Variants in ADGRG1 observed in about 807,000 individuals in gnomAD.
The protein encoded by ADGRG1 is adhesion G protein-coupled receptor G1.
ADGRG1 carries 53 observed loss-of-function variants against 73.5 expected under a neutral mutation model. The ratio of observed to expected loss-of-function variants is 0.72; its 90% CI spans 0.58 to 0.91. The LOEUF (loss-of-function observed/expected upper bound fraction) is 0.91. Among genes scored for constraint, ADGRG1 ranks in the 40% least tolerant of loss-of-function variants. The probability of loss-of-function intolerance (pLI) is 0.00; values close to 1 mark genes in which losing one functional copy is unlikely to be tolerated. For synonymous variants in ADGRG1, 394 were observed against 374.4 expected (o/e 1.05, Z -0.60); for missense variants, 795 against 871.8 (o/e 0.91, Z 1.11).
intron 1 of ADGRG1, chr16:57,632,064 G>C (rs762427647): frequency 1.0e-6 from 1 of 985,488 alleles, no homozygotes; most frequent in Non-Finnish European, 1.2e-6. Context: ...GATTCTGCCA[G>C]GCCCTGGGCT....
intron 1 of ADGRG1, chr16:57,634,081 C>T (rs1337716965): frequency 1.0e-6 from 1 of 985,334 alleles, no homozygotes; most frequent in Admixed American, 6.1e-5. Context: ...GAGAGGAGGC[C>T]TGGGTTCCAG....
chr16:57,657,255 G>A, intron 9 of ADGRG1, 118 bp from the exon 10 acceptor site: 1 of 1,449,542 alleles, frequency 6.9e-7, no homozygotes, highest in South Asian at 1.2e-5. Flanking sequence ...AGTTGGGAGA[G>A]GGGGTTCTTA....
At position 57,645,456 on chromosome 16, in the gene ADGRG1, C is replaced by G. The variant is rs2042377431; in HGVS notation, c.-35-4797C>G. 6 of 432,624 alleles carry G rather than the reference C, an allele frequency of 1.4e-5. No homozygotes were observed. In the South Asian group the frequency reaches 3.9e-4, roughly 28 times the overall value. The allele number at this position is 432,624 out of a possible 1,614,324, so 26.8% of individuals were successfully genotyped here. ...AGGGCCCCGCTAAATGCTGGGGGAG[C>G]CACAGAGGAGCCTGATGGGTCTGCG... On this transcript the variant is annotated intron_variant, in intron 1 of 13. Transcript: ENST00000562631.
At chr16:57,644,665 ACT>A (rs1371499833) in intron 1 of ADGRG1, among the ~76,000 whole-genome samples, 4 of 122,080 alleles carry the variant, frequency 3.3e-5, no homozygotes, top group African/African-American at 9.6e-5. Context: ...CTCATCACAC[ACT>A]CCTCACACAC....
chr16:57,644,118 T>C, intron 1 of ADGRG1: 1 of 868,678 alleles, frequency 1.2e-6, no homozygotes, highest in Non-Finnish European at 1.4e-6. Context: ...CCGCCCTCCC[T>C]GTCCCCTTCC....
At chr16:57,621,935 T>C (rs1168112754) in intron 2 of ADGRG1, 2 of 902,644 alleles carry the variant, frequency 2.2e-6, no homozygotes, top group Non-Finnish European at 2.6e-6. Flanking sequence ...CCTCTTCTGC[T>C]GCCCTCTCCA....
At position 57,659,449 on chromosome 16, in the gene ADGRG1, G is replaced by T. The variant is rs181901909; in HGVS notation, c.1323G>T (p.Met441Ile). 6.2e-7 allele frequency: 1 copy of T among 1,613,928 alleles called. No individual in the cohort carries two copies. The highest frequency in any genetic ancestry group is 8.5e-7 in the Non-Finnish European group (1 of 1,180,014). Residue 441 changes from methionine (M) to isoleucine (I), a missense_variant, in exon 11 of 14, where the codon ATG becomes ATT. Transcript: ENST00000562631. ...GGGACTACACCATCAAGGTGCACAT[G>T]AACCTGCTGCTGGCCGTCTTCCTGC... The part of the protein sequence containing the change: ...KPRDYTIKVH[M>I]NLLLAVFLLD...
At chr16:57,630,355 G>T in intron 1 of ADGRG1, 7 of 985,356 alleles carry the variant, frequency 7.1e-6, no homozygotes, top group Non-Finnish European at 8.4e-6. Context: ...GAGCTCTTAG[G>T]GCCAGACCTG....
At chr16:57,642,476 G>A (rs1375340198) in intron 1 of ADGRG1, 1 of 985,270 alleles carries the variant, frequency 1.0e-6, no homozygotes, top group African/African-American at 1.7e-5. Context: ...CAAGATTTCT[G>A]AGAGCTTTTT....
Position 57,661,806 on chromosome 16 carries a change from C to A in ADGRG1, c.1774C>A (p.Arg592=), listed in dbSNP as rs764782487. ...AGCCACCATGGTGGTGCAGATCCTG[C>A]GGCTGCGCCCCCACACCCAAAAGTG... The part of the protein sequence containing the change: ...MLATMVVQIL[R]LRPHTQKWSH... The change falls in exon 13 of 14, where the codon CGG becomes AGG. Residue 592 remains arginine (R), a synonymous_variant. Coordinates refer to ENST00000562631, the MANE Select transcript of ADGRG1 (RefSeq NM_201525.4). 3 of 1,614,232 alleles carry A rather than the reference C, an allele frequency of 1.9e-6. No homozygotes were observed. Among genetic ancestry groups the A allele is most frequent in the Admixed American group, 3.3e-5 (2 of 60,032 alleles).
chr16:57,660,968 A>G, intron 12 of ADGRG1, 92 bp downstream of exon 12: 1 of 800,654 alleles, frequency 1.2e-6, no homozygotes, highest in Non-Finnish European at 2.2e-6. Flanking sequence ...TGGCCAGGGG[A>G]CACCTGGGTT....
chr16:57,661,985 C>G lies in ADGRG1; in HGVS notation c.1933+20C>G. 6.3e-7 allele frequency: 1 copy of G among 1,595,948 alleles called. No homozygotes were observed. The highest frequency in any genetic ancestry group is 8.6e-7 in the Non-Finnish European group (1 of 1,163,352). ...TCCAAGGTAAGGAGAAGACCCGTCCCTTGGCCCAGGCAGGGTGTCTACACA... is the reference window on the plus strand; with the variant it reads ...TCCAAGGTAAGGAGAAGACCCGTCCGTTGGCCCAGGCAGGGTGTCTACACA... On this transcript the variant is annotated intron_variant, in intron 13 of 13. Transcript: ENST00000562631.
Position 57,662,574 on chromosome 16 carries a change from G to A in ADGRG1, c.1933+609G>A, listed in dbSNP as rs183483977. On this transcript the variant is annotated intron_variant, in intron 13 of 13. Coordinates refer to ENST00000562631, the MANE Select transcript of ADGRG1 (RefSeq NM_201525.4). The stretch of plus-strand genomic sequence containing the variant: ...TCACGTGCACATGATAGGATCAGGA[G>A]CCCTGGTCTAGGGGAAGGAAGCTCC... 1.3e-4 allele frequency among the ~76,000 whole-genome samples: 20 copies of A among 152,286 alleles called. No homozygotes were observed. The East Asian group carries it at 3.1e-3, about 24-fold the overall frequency.
At chr16:57,624,181 T>C, upstream of ADGRG1, 1 of 983,440 alleles carries the variant, frequency 1.0e-6, no homozygotes, top group Non-Finnish European at 1.2e-6. Flanking sequence ...GAAGCCTGGA[T>C]ATGAACTGCT....
In ADGRG1 at chr16:57,651,170, G is replaced by A. The variant is rs781743619; in HGVS notation, c.65-30G>A. The A allele has an allele frequency of 5.0e-6, 8 of 1,613,222 alleles. No individual in the cohort carries two copies. In the African/African-American group the frequency reaches 9.3e-5, roughly 19 times the overall value. ...ATGCCTCTGGTCAGCCCCTGCCACG[G>A]GGTCCCATCTGCAGCCTCTGCCTCC... On this transcript the variant is annotated intron_variant, in intron 2 of 13. Transcript: ENST00000562631.
chr16:57,659,028 G>A, intron 10 of ADGRG1: 3 of 984,878 alleles, frequency 3.0e-6, no homozygotes, highest in Non-Finnish European at 3.6e-6. Flanking sequence ...AGACTCACAG[G>A]TGCACAGTTG....
Position 57,653,319 on chromosome 16 carries a change from G to GCTGCCCCCGC in ADGRG1, c.606_615dup (p.Ser206CysfsTer83), listed in dbSNP as rs2044607222. 6.2e-7 allele frequency: 1 copy of GCTGCCCCCGC among 1,608,900 alleles called. No homozygotes were observed. The highest frequency in any genetic ancestry group is 1.3e-5 in the African/African-American group (1 of 74,902). ...CCAGAAGGCCTCAAGGAGGCCCTCGGCTGCCCCCGCCAGCCAGTAAGTTTG... is the reference window on the plus strand; with the variant it reads ...CCAGAAGGCCTCAAGGAGGCCCTCGGCTGCCCCCGCCTGCCCCCGCCAGCCAGTAAGTTTG... On this transcript the variant is annotated frameshift_variant, in exon 4 of 14. Coordinates refer to ENST00000562631, the MANE Select transcript of ADGRG1 (RefSeq NM_201525.4). LOFTEE classifies it high-confidence loss of function.
At chr16:57,636,010 C>G in intron 1 of ADGRG1, 9 of 985,348 alleles carry the variant, frequency 9.1e-6, no homozygotes, top group Non-Finnish European at 1.1e-5. Flanking sequence ...CGGGACACAC[C>G]CCACCCCCAG....
chr16:57,637,487 C>T (rs1473384433), intron 1 of ADGRG1: 2 of 985,274 alleles, frequency 2.0e-6, no homozygotes, highest in African/African-American at 3.5e-5. Flanking sequence ...CCCTGAACCA[C>T]AGCCCCTTGC....
Sources: gnomAD v4.1 joint callset for allele counts (sites outside exome capture counted in the v4.1 genomes callset) on GRCh38, gnomAD v4.1.1 for gene constraint, MANE v1.5 for transcripts, NCBI Gene and HGNC (gene_info 2026-07-23, HGNC 2026-07-21) for gene names.